Variants in ZNF639 observed in about 807,000 individuals in gnomAD.
The protein encoded by ZNF639 is zinc finger protein 639, also known as zinc finger amplified in esophageal squamous cell carcinomas 1.
In ZNF639, 20 loss-of-function variants were observed where a neutral mutation model predicts 39.8. The observed-to-expected ratio is 0.50, with a 90% CI of 0.35 to 0.73. ZNF639 has a LOEUF of 0.73. Ranked by LOEUF, ZNF639 falls within the 30% of genes least tolerant of loss-of-function variation. The pLI, the probability that ZNF639 is intolerant of heterozygous loss-of-function variation, is 0.00. For synonymous variants in ZNF639, 176 were observed against 189.8 expected (o/e 0.93, Z 0.60); for missense variants, 477 against 566.2 (o/e 0.84, Z 1.60).
intron 4 of ZNF639, 47 bp downstream of exon 4, chr3:179,329,775 A>G (rs1312632887): frequency 3.0e-6 from 3 of 1,001,542 alleles, no homozygotes; most frequent in Non-Finnish European, 3.0e-6. Flanking sequence ...CTGCTTTTAC[A>G]TTTTTTATTC....
chr3:179,329,090 G>T (rs1045375485), intron 3 of ZNF639, among the ~76,000 whole-genome samples: 3 of 152,122 alleles, frequency 2.0e-5, no homozygotes, highest in African/African-American at 7.2e-5. Context: ...AATACACCTC[G>T]CATACATTTA....
In ZNF639 at chr3:179,336,455, A is replaced by T. The variant is rs1711530079; in HGVS notation, c.*2033A>T. The T allele has an allele frequency of 6.6e-6, 1 of 152,194 alleles. No individual in the cohort carries two copies. Among genetic ancestry groups the T allele is most frequent in the South Asian group, 2.1e-4 (1 of 4,826 alleles). The allele number at this position is 152,194 out of a possible 1,614,324, so 9.4% of individuals were successfully genotyped here. On this transcript the variant is annotated 3_prime_UTR_variant, in exon 6 of 6. Transcript: ENST00000496856. ...AGTATTCTTAGAAGGTATTATTTTTATCCCCACTATTTTGTTGTATGTGCA... is the reference window on the plus strand; with the variant it reads ...AGTATTCTTAGAAGGTATTATTTTTTTCCCCACTATTTTGTTGTATGTGCA...
chr3:179,323,173 G>A lies in ZNF639; in HGVS notation c.-201G>A, dbSNP rs1296753122. Reference sequence around the variant, plus strand: ...CACAGCGTCCGGGAGCGCTAGGGCCGGAGCAGCGCTGCCCGCCGCCGTGCG... The same window carrying A: ...CACAGCGTCCGGGAGCGCTAGGGCCAGAGCAGCGCTGCCCGCCGCCGTGCG... On this transcript the variant is annotated 5_prime_UTR_variant, in exon 1 of 6. Transcript: ENST00000496856. 4 of 984,524 alleles carry A rather than the reference G, an allele frequency of 4.1e-6. No homozygotes were observed. Among genetic ancestry groups the A allele is most frequent in the African/African-American group, 1.8e-5 (1 of 57,122 alleles). The allele number at this position is 984,524 out of a possible 1,614,324, so 61.0% of individuals were successfully genotyped here.
intron 1 of ZNF639, among the ~76,000 whole-genome samples, chr3:179,324,226 A>G (rs1034996881): frequency 1.3e-5 from 2 of 152,190 alleles, no homozygotes; most frequent in Non-Finnish European, 2.9e-5. Context: ...GGCCTTTTGA[A>G]ACGTTTATCT....
chr3:179,328,480 T>G (rs1218983231), intron 3 of ZNF639, 129 bp downstream of exon 3: 2 of 561,788 alleles, frequency 3.6e-6, no homozygotes, highest in Non-Finnish European at 6.1e-6. Flanking sequence ...AACAACGGTT[T>G]AAATACATTA....
chr3:179,323,902 C>T (rs1727430189), intron 1 of ZNF639: 1 of 152,224 alleles, frequency 6.6e-6, no homozygotes, highest in African/African-American at 2.4e-5. Context: ...GGAAACGAAT[C>T]ATTTGAAGCA....
Position 179,334,203 on chromosome 3 carries a change from A to C in ZNF639, c.1239A>C (p.Ser413=), listed in dbSNP as rs774235963. The change falls in exon 6 of 6, where the codon TCA becomes TCC. Residue 413 remains serine (S), a synonymous_variant. Transcript: ENST00000496856. ...HVCDDCGKGF[S]SMLEYCKHLN... is the part of the protein sequence containing the mutation. ...GTGATGACTGTGGGAAAGGCTTTTC[A>C]AGTATGCTAGAATATTGCAAGCATT... 4.3e-6 allele frequency: 7 copies of C among 1,613,970 alleles called. No individual in the cohort carries two copies. In the Admixed American group the frequency reaches 1.0e-4, roughly 23 times the overall value.
chr3:179,333,741 C>T lies in ZNF639; in HGVS notation c.777C>T (p.Pro259=), dbSNP rs1216438273. The part of the protein sequence containing the change: ...IEHAKLHEED[P]YICKYCDYKT... The stretch of plus-strand genomic sequence containing the variant: ...ATGCCAAACTGCATGAAGAGGATCC[C>T]TACATTTGTAAATACTGTGATTATA... The change falls in exon 6 of 6, where the codon CCC becomes CCT. Residue 259 remains proline, a synonymous_variant. Transcript: ENST00000496856. 3.4e-5 allele frequency: 55 copies of T among 1,614,022 alleles called. No individual in the cohort carries two copies. The highest frequency in any genetic ancestry group is 4.5e-5 in the Non-Finnish European group (53 of 1,180,040).
Position 179,323,253 on chromosome 3 carries a change from C to G in ZNF639, c.-121C>G, listed in dbSNP as rs1179540042. 2.0e-5 allele frequency: 20 copies of G among 985,348 alleles called. No individual in the cohort carries two copies. The South Asian group carries it at 9.4e-4, about 46-fold the overall frequency. 61.0% of individuals were successfully genotyped at this position (985,348 alleles called of 1,614,324 possible). On this transcript the variant is annotated 5_prime_UTR_variant, in exon 1 of 6. Transcript: ENST00000496856. ...CCTGCGCTCTCGGCCGCCGCCGCCT[C>G]TGCGTGGGCCGGCCGGGAGGGCCTC... is the stretch of plus-strand genomic sequence containing the variant.
At chr3:179,327,538 C>A (rs905870736) in intron 1 of ZNF639, 23 bp from the exon 2 acceptor site, 1 of 152,126 alleles carries the variant, frequency 6.6e-6, no homozygotes, top group Non-Finnish European at 1.5e-5. Context: ...TGCTTAATAA[C>A]TTCTTTCATG....
At position 179,333,086 on chromosome 3, in the gene ZNF639, T is replaced by C. The variant is rs550631805; in HGVS notation, c.267T>C (p.Pro89=). 1.4e-5 allele frequency: 23 copies of C among 1,600,694 alleles called. No homozygotes were observed. In the African/African-American group the frequency reaches 2.0e-4, roughly 14 times the overall value. The change falls in exon 5 of 6, where the codon CCT becomes CCC. Residue 89 remains proline (P), a synonymous_variant. Transcript: ENST00000496856. ...NRNQNYLVPS[P]VLRILDHTAF... is the part of the protein sequence containing the mutation. ...ATCAGAACTACCTGGTTCCCAGTCC[T>C]GTACTTAGAATTCTAGACCACACTG...
chr3:179,329,119 T>G (rs1167192155), intron 3 of ZNF639, among the ~76,000 whole-genome samples: 2 of 152,204 alleles, frequency 1.3e-5, no homozygotes, highest in African/African-American at 2.4e-5. Context: ...CATCTCAGTC[T>G]TACCTATTAG....
Position 179,333,682 on chromosome 3 carries a change from G to A in ZNF639, c.718G>A (p.Glu240Lys). 6.2e-7 allele frequency: 1 copy of A among 1,614,148 alleles called. No homozygotes were observed. Among genetic ancestry groups the A allele is most frequent in the Non-Finnish European group, 8.5e-7 (1 of 1,180,024 alleles). The change falls in exon 6 of 6, where the codon GAA (glutamate) becomes AAA (lysine). Residue 240 changes from glutamate to lysine, a missense_variant. Glu to Lys is a moderately conservative substitution (Grantham distance 56). Transcript: ENST00000496856. ...TTCAAATGTGTGTCGAGTATGCAAG[G>A]AAAGTTTCTCTACCAATATGCTTCT... ...TDSNVCRVCKESFSTNMLLIE... is the reference protein window; with the variant it reads ...TDSNVCRVCKKSFSTNMLLIE...
At chr3:179,329,381 T>C (rs1200015592) in intron 3 of ZNF639, among the ~76,000 whole-genome samples, 1 of 152,248 alleles carries the variant, frequency 6.6e-6, no homozygotes, top group African/African-American at 2.4e-5. Flanking sequence ...AAAACAAATG[T>C]ATCCTTGTAT....
rs1560184243 is a variant in ZNF639, at chr3:179,336,333, T to TAC, written c.*1911_*1912insAC. 8.9e-5 allele frequency: 10 copies of TAC among 112,566 alleles called. No individual in the cohort carries two copies. In the East Asian group the frequency reaches 2.5e-3, roughly 29 times the overall value. 7.0% of individuals were successfully genotyped at this position (112,566 alleles called of 1,614,324 possible). A position where few individuals can be genotyped will look rare whatever the true frequency, so the allele number is the denominator to read the frequency against. On this transcript the variant is annotated 3_prime_UTR_variant, in exon 6 of 6. Coordinates refer to ENST00000496856, the MANE Select transcript of ZNF639 (RefSeq NM_001303426.2). The stretch of plus-strand genomic sequence containing the variant: ...TCAAATTTAACAAGCACTGCTAACA[T>TAC]TATTTTTTAGGTTTATTGATATAAG...
chr3:179,328,229 G>A (rs573281452), intron 2 of ZNF639, 54 bp from the exon 3 acceptor site: 79 of 1,009,608 alleles, frequency 7.8e-5, no homozygotes, highest in Admixed American at 4.7e-4. Flanking sequence ...TTTTTATAAC[G>A]TCATTAACAG....
At position 179,336,988 on chromosome 3, in the gene ZNF639, G is replaced by T. The variant is rs1366622010; in HGVS notation, c.*2566G>T. 11 of 152,202 alleles carry T rather than the reference G, an allele frequency of 7.2e-5. No homozygotes were observed. Among genetic ancestry groups the T allele is most frequent in the Admixed American group, 7.2e-4 (11 of 15,282 alleles). The allele number at this position is 152,202 out of a possible 1,614,324, so 9.4% of individuals were successfully genotyped here. A position where few individuals can be genotyped will look rare whatever the true frequency, so the allele number is the denominator to read the frequency against. On this transcript the variant is annotated 3_prime_UTR_variant, in exon 6 of 6. Coordinates refer to ENST00000496856, the MANE Select transcript of ZNF639 (RefSeq NM_001303426.2). ...TTGAAAAGATTGCAGGCTGGGCGTG[G>T]TGGCCCACGCCTCTAATCCCAGCAC...
At chr3:179,329,106 G>A (rs1398942750) in intron 3 of ZNF639, among the ~76,000 whole-genome samples, 1 of 152,072 alleles carries the variant, frequency 6.6e-6, no homozygotes, top group African/African-American at 2.4e-5. Context: ...ATTTACTTGG[G>A]ACCATCTCAG....
At chr3:179,329,891 C>A (rs1576990089) in intron 4 of ZNF639, 163 bp downstream of exon 4, 13 of 362,222 alleles carry the variant, frequency 3.6e-5, no homozygotes, top group South Asian at 3.0e-4. Context: ...TTTAAGAAAG[C>A]AAGTAATTTT....
Sources: gnomAD v4.1 joint callset for allele counts (sites outside exome capture counted in the v4.1 genomes callset) on GRCh38, gnomAD v4.1.1 for gene constraint, MANE v1.5 for transcripts, NCBI Gene and HGNC (gene_info 2026-07-23, HGNC 2026-07-21) for gene names.